PLXDC2: variants seen among roughly 807,000 people sequenced by gnomAD.
The protein encoded by PLXDC2 is plexin domain-containing protein 2.
A neutral mutation model predicts 68.9 loss-of-function variants in PLXDC2; 40 were observed. The ratio of observed to expected loss-of-function variants is 0.58; its 90% confidence interval spans 0.45 to 0.76. PLXDC2 has a LOEUF of 0.76. PLXDC2 is among the 30% of genes least tolerant of loss of function. The pLI is 0.00. For synonymous variants in PLXDC2, 243 were observed against 234.2 expected (o/e 1.04, Z -0.34); for missense variants, 644 against 661.9 (o/e 0.97, Z 0.30).
At chr10:19,870,111 C>T (rs538317355) in intron 1 of PLXDC2, among the ~76,000 whole-genome samples, 19 of 152,098 alleles carry the variant, frequency 1.2e-4, no homozygotes, top group South Asian at 4.1e-4. Context: ...TGCACAAATG[C>T]GACAAAGGGA....
At chr10:19,953,738 G>A (rs1328064606) in intron 1 of PLXDC2, among the ~76,000 whole-genome samples, 1 of 152,034 alleles carries the variant, frequency 6.6e-6, no homozygotes, top group African/African-American at 2.4e-5. Flanking sequence ...AGGAGTTTAT[G>A]ATCATCATAC....
chr10:20,067,740 T>G (rs1306274612), intron 3 of PLXDC2, among the ~76,000 whole-genome samples: 2 of 152,078 alleles, frequency 1.3e-5, no homozygotes, highest in Non-Finnish European at 2.9e-5. Flanking sequence ...CAAGACATCT[T>G]CTTCCGTGAA....
chr10:19,884,598 A>G (rs946902404), intron 1 of PLXDC2, among the ~76,000 whole-genome samples: 1 of 150,116 alleles, frequency 6.7e-6, no homozygotes. Context: ...GTGAGAATAT[A>G]CAGTGTTTGG....
intron 1 of PLXDC2, among the ~76,000 whole-genome samples, chr10:19,855,525 G>A (rs1022785114): frequency 3.9e-4 from 60 of 152,010 alleles, no homozygotes; most frequent in African/African-American, 1.4e-3. Flanking sequence ...GAAATTCTTG[G>A]GAGTAGAAGT....
chr10:19,935,170 C>T (rs1234839223), intron 1 of PLXDC2, among the ~76,000 whole-genome samples: 3 of 152,162 alleles, frequency 2.0e-5, no homozygotes, highest in Non-Finnish European at 2.9e-5. Flanking sequence ...TTGGAGTTCA[C>T]GGGTGGTGGA....
intron 12 of PLXDC2, among the ~76,000 whole-genome samples, chr10:20,222,667 G>A (rs1327139149): frequency 6.6e-6 from 1 of 152,030 alleles, no homozygotes; most frequent in Non-Finnish European, 1.5e-5. Flanking sequence ...ATTGACCATT[G>A]AAATGGCTGG....
rs550194481 is a variant in PLXDC2, at chr10:20,284,330, TACACACACACACAC to T, written c.*4521_*4534del. 1 of 126,352 alleles carries T rather than the reference TACACACACACACAC, an allele frequency of 7.9e-6. No homozygotes were observed. Among genetic ancestry groups the T allele is most frequent in the Admixed American group, 8.4e-5 (1 of 11,944 alleles). The allele number at this position is 126,352 out of a possible 1,614,324, so 7.8% of individuals were successfully genotyped here. On this transcript the variant is annotated 3_prime_UTR_variant, in exon 14 of 14. Coordinates refer to ENST00000377252, the MANE Select transcript of PLXDC2 (RefSeq NM_032812.9). Reference sequence around the variant, plus strand: ...AAATATACATATATATATATATATATACACACACACACACACACACACAAATATACATATATATC... The same window carrying T: ...AAATATACATATATATATATATATATACACACACAAATATACATATATATC...
chr10:19,955,514 A>T (rs1413455710), intron 1 of PLXDC2, among the ~76,000 whole-genome samples: 1 of 152,120 alleles, frequency 6.6e-6, no homozygotes, highest in Non-Finnish European at 1.5e-5. Flanking sequence ...CCCAGGTCCA[A>T]GGGCTGCCTT....
intron 4 of PLXDC2, among the ~76,000 whole-genome samples, chr10:20,140,442 C>CTAACTATCTATCT (rs34794355): frequency 5.1e-4 from 74 of 145,416 alleles, no homozygotes; most frequent in African/African-American, 1.8e-3. Flanking sequence ...TCTATCTATC[C>CTAACTATCTATCT]GTCTAATCTT....
intron 10 of PLXDC2, among the ~76,000 whole-genome samples, chr10:20,214,887 A>G (rs1051301821): frequency 2.6e-5 from 4 of 152,174 alleles, no homozygotes; most frequent in South Asian, 2.1e-4. Flanking sequence ...GTTCCATTCT[A>G]TACTCCTTGA....
chr10:20,201,770 A>G (rs568101314), intron 9 of PLXDC2, among the ~76,000 whole-genome samples: 1 of 152,198 alleles, frequency 6.6e-6, no homozygotes, highest in African/African-American at 2.4e-5. Context: ...CAATTAAAAG[A>G]TTTCCTCTCA....
chr10:20,040,351 C>A (rs911279541), intron 2 of PLXDC2, among the ~76,000 whole-genome samples: 11 of 152,046 alleles, frequency 7.2e-5, no homozygotes, highest in Admixed American at 1.3e-4. Flanking sequence ...CTTGGCTTTA[C>A]CTTTTGATGT....
intron 7 of PLXDC2, among the ~76,000 whole-genome samples, chr10:20,167,995 A>G (rs1213769945): frequency 6.6e-6 from 1 of 152,164 alleles, no homozygotes; most frequent in East Asian, 1.9e-4. Flanking sequence ...TTCAAGCATG[A>G]TTAATTAAAG....
At chr10:20,253,681 A>G (rs1349130597) in intron 13 of PLXDC2, among the ~76,000 whole-genome samples, 1 of 152,186 alleles carries the variant, frequency 6.6e-6, no homozygotes, top group Non-Finnish European at 1.5e-5. Context: ...AAATAAGTAG[A>G]TGAATTCTCC....
At chr10:20,200,997 A>G (rs1834909831) in intron 9 of PLXDC2, among the ~76,000 whole-genome samples, 1 of 152,096 alleles carries the variant, frequency 6.6e-6, no homozygotes, top group African/African-American at 2.4e-5. Context: ...CAATAGAACT[A>G]CCAGATGATC....
At chr10:19,966,210 TA>T (rs1466561611) in intron 1 of PLXDC2, among the ~76,000 whole-genome samples, 1 of 134,958 alleles carries the variant, frequency 7.4e-6, no homozygotes, top group Non-Finnish European at 1.5e-5. Flanking sequence ...CACATATATA[TA>T]CTACGTATAC....
chr10:19,996,020 G>A (rs7079519), intron 1 of PLXDC2, among the ~76,000 whole-genome samples: 74,713 of 152,020 alleles, frequency 0.49, 19,041 homozygotes, highest in African/African-American at 0.61. Context: ...AAGAGGATGG[G>A]GTGTCTTATA....
chr10:19,852,353 G>A (rs112402309), intron 1 of PLXDC2, among the ~76,000 whole-genome samples: 8,623 of 141,350 alleles, frequency 0.061, 861 homozygotes, highest in African/African-American at 0.21. Context: ...TTAAGCCCAG[G>A]AGATTGAGGC....
In PLXDC2 at chr10:20,143,422, G is replaced by A. The variant is rs751881340; in HGVS notation, c.664+5G>A. The A allele has an allele frequency of 6.2e-7, 1 of 1,611,846 alleles. No individual in the cohort carries two copies. Among genetic ancestry groups the A allele is most frequent in the South Asian group, 1.1e-5 (1 of 90,840 alleles). ...CTGTCAGATATTTTGATAATGGTAT[G>A]TGTTGAGTAGCCTATTTTTTGCTGC... On this transcript the variant is annotated splice_donor_5th_base_variant and intron_variant, in intron 5 of 13. Transcript: ENST00000377252.
Sources: allele counts gnomAD v4.1 joint callset (sites outside exome capture counted in the v4.1 genomes callset), GRCh38; gene constraint gnomAD v4.1.1; transcripts MANE v1.5; gene names NCBI Gene and HGNC (gene_info 2026-07-23, HGNC 2026-07-21).